TJP1: variants seen among roughly 807,000 people sequenced by gnomAD.
TJP1 encodes the protein tight junction protein ZO-1.
TJP1 carries 43 observed loss-of-function variants against 194.2 expected under a neutral mutation model. The observed-to-expected ratio is 0.22, with a 90% confidence interval of 0.17 to 0.29. The LOEUF (loss-of-function observed/expected upper bound fraction) is 0.29, where lower values mean the gene tolerates loss of function less well. Among genes scored for constraint, TJP1 ranks in the 10% least tolerant of loss-of-function variants. The pLI is 1.00. For missense variants in TJP1, 1,971 were observed against 2,185.7 expected (o/e 0.90, Z 1.96); for synonymous variants, 801 against 779.0 (o/e 1.03, Z -0.47).
Position 29,838,846 on chromosome 15 carries a change from A to G in TJP1, c.307-38144T>C, listed in dbSNP as rs551929496. Among the ~76,000 whole-genome samples, 142 of 152,250 alleles carry G rather than the reference A, an allele frequency of 9.3e-4. 1 individual carries two copies. The highest frequency in any genetic ancestry group is 3.2e-3 in the African/African-American group (132 of 41,534). ...TCTATAATTATGTTACTTCATGAAC[A>G]TTACATAAATGGAACCATACAGTAC... On this transcript the variant is annotated intron_variant, in intron 2 of 28. Coordinates refer to the TJP1 transcript ENST00000356107.
rs2043869906 is a variant in TJP1, at chr15:29,734,292, C to A, written c.1498G>T (p.Ala500Ser). The change falls in exon 12 of 28, where the codon GCT (alanine) becomes TCT (serine). Residue 500 changes from alanine (A) to serine (S), a missense_variant. Ala to Ser is a moderately conservative substitution (Grantham distance 99). Around this residue, in one of 5 missense-constraint regions of TJP1, gnomAD observed 402 missense variants for 484.2 expected, o/e 0.83. Transcript: ENST00000614355. The part of the protein sequence containing the change: ...LPKGEEVTIL[A>S]QKKKDVYRRI... ...ATCTCACCATCCTTCTTCTTCTGAG[C>A]CAATATGGTCACTTCTTCTCCTTTA... The A allele has an allele frequency of 6.2e-7, 1 of 1,609,014 alleles. No individual in the cohort carries two copies. Among genetic ancestry groups the A allele is most frequent in the East Asian group, 2.2e-5 (1 of 44,546 alleles).
At chr15:29,941,314 A>G (rs1225097768) in intron 2 of TJP1, among the ~76,000 whole-genome samples, 1 of 152,130 alleles carries the variant, frequency 6.6e-6, no homozygotes, top group South Asian at 2.1e-4. Flanking sequence ...CTGACTGCCT[A>G]TGCACTGGTG....
chr15:29,883,496 T>A (rs544847884), intron 2 of TJP1, among the ~76,000 whole-genome samples: 27 of 152,188 alleles, frequency 1.8e-4, no homozygotes, highest in Non-Finnish European at 3.5e-4. Context: ...TAAGTAAGTA[T>A]AATCTCCTAC....
chr15:29,747,510 T>G (rs760140948), intron 8 of TJP1, among the ~76,000 whole-genome samples: 6 of 152,108 alleles, frequency 3.9e-5, no homozygotes, highest in Non-Finnish European at 7.4e-5. Context: ...CAAAATTATT[T>G]TTAAAAAGAG....
At chr15:29,902,032 A>C (rs1423966976) in intron 2 of TJP1, among the ~76,000 whole-genome samples, 2 of 152,178 alleles carry the variant, frequency 1.3e-5, no homozygotes, top group East Asian at 1.9e-4. Context: ...CACAAATATT[A>C]ACCCTCTAGT....
intron 2 of TJP1, among the ~76,000 whole-genome samples, chr15:29,780,280 C>T (rs571486465): frequency 2.4e-4 from 36 of 152,110 alleles, no homozygotes; most frequent in Non-Finnish European, 7.4e-5. Context: ...AGTTTTCCTG[C>T]AACTAGATGG....
chr15:29,811,078 AG>A (rs2049465241), intron 1 of TJP1, among the ~76,000 whole-genome samples: 3 of 152,314 alleles, frequency 2.0e-5, no homozygotes, highest in Admixed American at 6.5e-5. Context: ...GAAAGTTGAC[AG>A]GAAGTACACT....
rs1313009178 is a variant in TJP1, at chr15:29,708,664, T to G, written c.4745A>C (p.Gln1582Pro). 11 of 1,614,258 alleles carry G rather than the reference T, an allele frequency of 6.8e-6. No individual in the cohort carries two copies. The highest frequency in any genetic ancestry group is 9.3e-6 in the Non-Finnish European group (11 of 1,180,052). The change falls in exon 25 of 28, where the codon CAG becomes CCG. Residue 1582 changes from glutamine (Q) to proline (P), a missense_variant. Coordinates refer to ENST00000614355, the MANE Select transcript of TJP1 (RefSeq NM_001330239.4). ...KTLVKSHSLA[Q>P]PPEFDSGVET... Reference sequence around the variant, plus strand: ...AACTCCACTGTCAAACTCAGGAGGCTGTGCCAAACTGTGCGATTTCACAAG... The same window carrying G: ...AACTCCACTGTCAAACTCAGGAGGCGGTGCCAAACTGTGCGATTTCACAAG...
At chr15:29,892,825 A>G (rs11637788) in intron 2 of TJP1, among the ~76,000 whole-genome samples, 61,694 of 152,068 alleles carry the variant, frequency 0.41, 12,831 homozygotes, top group Middle Eastern at 0.5. Context: ...TCTGATGGAA[A>G]TGTACAAGGA....
chr15:29,741,103 G>T, intron 10 of TJP1: 1 of 345,286 alleles, frequency 2.9e-6, no homozygotes. Context: ...TAAAAGCTAG[G>T]CAGGAGACAG....
At chr15:29,963,009 T>C (rs1357382895) in intron 1 of TJP1, among the ~76,000 whole-genome samples, 1 of 152,088 alleles carries the variant, frequency 6.6e-6, no homozygotes, top group Non-Finnish European at 1.5e-5. Context: ...GGTGTGGTGG[T>C]GGGCACCTGT....
At chr15:29,936,820 A>G (rs1268572452) in intron 2 of TJP1, among the ~76,000 whole-genome samples, 1 of 152,168 alleles carries the variant, frequency 6.6e-6, no homozygotes, top group East Asian at 1.9e-4. Flanking sequence ...CATAAGATCC[A>G]CCTTGGGTTT....
At chr15:29,893,078 T>C (rs2053364612) in intron 2 of TJP1, among the ~76,000 whole-genome samples, 1 of 152,200 alleles carries the variant, frequency 6.6e-6, no homozygotes, top group South Asian at 2.1e-4. Flanking sequence ...GTTCAAAATA[T>C]CTACATTGTT....
Position 29,968,307 on chromosome 15 carries a change from T to C in TJP1, c.173+360A>G, listed in dbSNP as rs1828983910. 23 of 984,858 alleles carry C rather than the reference T, an allele frequency of 2.3e-5. 1 individual carries two copies. In the South Asian group the frequency reaches 8.5e-4, roughly 36 times the overall value. The allele number at this position is 984,858 out of a possible 1,614,324, so 61.0% of individuals were successfully genotyped here. A position where few individuals can be genotyped will look rare whatever the true frequency, so the allele number is the denominator to read the frequency against. Reference sequence around the variant, plus strand: ...TCTGCTGTCTCCGCGAGAGCCTGGCTGGAAATTCTGAGCCAGAACCCGCCG... The same window carrying C: ...TCTGCTGTCTCCGCGAGAGCCTGGCCGGAAATTCTGAGCCAGAACCCGCCG... On this transcript the variant is annotated intron_variant, in intron 1 of 28. Coordinates refer to the TJP1 transcript ENST00000356107.
rs148661143 is a variant in TJP1 at position 29,891,433 on chromosome 15, T to C, written c.306+64799A>G. ...GATTCCCTGAATGGTAGTTTGTCTT[T>C]CTATTCTTCCCATCTTGTAGAGTTC... On this transcript the variant is annotated intron_variant, in intron 2 of 28. Coordinates refer to the TJP1 transcript ENST00000356107. Among the ~76,000 whole-genome samples, 126 of 152,348 alleles carry C rather than the reference T, an allele frequency of 8.3e-4. 1 individual carries two copies. Among genetic ancestry groups the C allele is most frequent in the African/African-American group, 2.9e-3 (122 of 41,578 alleles).
At chr15:29,892,944 A>T (rs767107342) in intron 2 of TJP1, among the ~76,000 whole-genome samples, 41 of 152,268 alleles carry the variant, frequency 2.7e-4, no homozygotes, top group Non-Finnish European at 4.8e-4. Flanking sequence ...AATACATTTT[A>T]TGAGGCTATA....
At chr15:29,790,487 A>C (rs570661662) in intron 2 of TJP1, among the ~76,000 whole-genome samples, 2 of 152,190 alleles carry the variant, frequency 1.3e-5, no homozygotes, top group African/African-American at 4.8e-5. Flanking sequence ...GTAACGATTA[A>C]ATCAGGGTAA....
Position 29,876,699 on chromosome 15 carries a change from T to C in TJP1, c.307-75997A>G, listed in dbSNP as rs148363481. On this transcript the variant is annotated intron_variant, in intron 2 of 28. Transcript: ENST00000356107. Reference sequence around the variant, plus strand: ...CGGGTCTGCTTGTGATCTTGGTTCATATAGAATAGTTTCTACTAGTATACA... The same window carrying C: ...CGGGTCTGCTTGTGATCTTGGTTCACATAGAATAGTTTCTACTAGTATACA... Among the ~76,000 whole-genome samples, 615 of 152,284 alleles carry C rather than the reference T, an allele frequency of 4.0e-3. 4 individuals carry two copies. The highest frequency in any genetic ancestry group is 0.014 in the African/African-American group (588 of 41,550).
In TJP1 at chr15:29,719,815, G is replaced by T; in HGVS notation, c.2965C>A (p.Gln989Lys). 6.2e-7 allele frequency: 1 copy of T among 1,614,150 alleles called. No individual in the cohort carries two copies. The highest frequency in any genetic ancestry group is 1.1e-5 in the South Asian group (1 of 91,076). ...ACATGCGACGACAATGATGGTTCTT[G>T]ATCTCTTAGCATTATGTGAGCTGCC... ...TEAAHIMLRD[Q>K]EPSLSSHVDP... The change falls in exon 20 of 28, where the codon CAA (glutamine) becomes AAA (lysine). Residue 989 changes from glutamine to lysine, a missense_variant. Gln to Lys is a moderately conservative substitution (Grantham distance 53). Coordinates refer to ENST00000614355, the MANE Select transcript of TJP1 (RefSeq NM_001330239.4).
Sources: gnomAD v4.1 joint callset for allele counts (sites outside exome capture counted in the v4.1 genomes callset) on GRCh38, gnomAD v4.1.1 for gene constraint, gnomAD v4.1.1 regional missense constraint, MANE v1.5 for transcripts, NCBI Gene and HGNC (gene_info 2026-07-23, HGNC 2026-07-21) for gene names.